WDR1: variants seen among roughly 807,000 people sequenced by gnomAD.
The protein encoded by WDR1 is WD repeat-containing protein 1.
Under a neutral mutation model 71.9 loss-of-function variants are expected in WDR1, and 21 were observed. The ratio of observed to expected loss-of-function variants is 0.29; its 90% CI spans 0.21 to 0.42. The LOEUF is 0.42. Ranked by LOEUF, WDR1 falls within the 10% of genes least tolerant of loss-of-function variation. WDR1 has a pLI of 1.00. For missense variants in WDR1, 696 were observed against 824.5 expected, an observed-to-expected ratio of 0.84 and a Z score of 1.91; for synonymous variants, 424 against 347.4, an observed-to-expected ratio of 1.22 and a Z score of -2.45.
intron 2 of WDR1, among the ~76,000 whole-genome samples, chr4:10,111,516 C>A (rs566661214): frequency 6.6e-6 from 1 of 152,222 alleles, no homozygotes; most frequent in African/African-American, 2.4e-5. Context: ...TAATCCAACG[C>A]ACCACTTCCT....
chr4:10,081,350 T>TCC lies in WDR1; in HGVS notation c.1284+5_1284+6dup, dbSNP rs559833783. 6,808 of 1,613,226 alleles carry TCC rather than the reference T, an allele frequency of 4.2e-3. 24 individuals carry two copies. Among genetic ancestry groups the TCC allele is most frequent in the Non-Finnish European group, 5.1e-3 (6,027 of 1,179,544 alleles). On this transcript the variant is annotated splice_region_variant and intron_variant, in intron 11 of 14. Transcript: ENST00000499869. ...GCTCCCACCCAAACACTAAGCCAGG[T>TCC]CCCTACCTGTCCAATGCACACGACC...
Position 10,094,170 on chromosome 4 carries a change from A to G in WDR1, c.558+3541T>C, listed in dbSNP as rs79796742. ...GGCAGTGAGTTCTCAGTTCTGCATC[A>G]TAAGGCTGAGCCCCCAGGACGACAT... On this transcript the variant is annotated intron_variant, in intron 5 of 14. Coordinates refer to ENST00000499869, the MANE Select transcript of WDR1 (RefSeq NM_017491.5). Among the ~76,000 whole-genome samples the G allele has an allele frequency of 4.2e-3, 636 of 152,330 alleles. 7 individuals are homozygous for G. Among genetic ancestry groups the G allele is most frequent in the African/African-American group, 0.014 (597 of 41,564 alleles).
chr4:10,076,557 T>C (rs1215999931), intron 14 of WDR1: 1 of 152,328 alleles, frequency 6.6e-6, no homozygotes, highest in African/African-American at 2.4e-5. Flanking sequence ...AGGACGGACG[T>C]TGAAACCTGC....
At position 10,075,492 on chromosome 4, in the gene WDR1, G is replaced by T; in HGVS notation, c.1715-8C>A. ...GGTGCAGCCGGTGTGCATCTGGGAA[G>T]AAAGGGTGCAATTTAACGAAAAGCC... On this transcript the variant is annotated splice_region_variant and splice_polypyrimidine_tract_variant and intron_variant, in intron 14 of 14. Coordinates refer to ENST00000499869, the MANE Select transcript of WDR1 (RefSeq NM_017491.5). 1.2e-6 allele frequency: 2 copies of T among 1,613,468 alleles called. No individual in the cohort carries two copies. The highest frequency in any genetic ancestry group is 1.7e-6 in the Non-Finnish European group (2 of 1,179,588).
At chr4:10,100,827 C>T (rs755833238) in intron 3 of WDR1, among the ~76,000 whole-genome samples, 2 of 152,230 alleles carry the variant, frequency 1.3e-5, no homozygotes, top group African/African-American at 4.8e-5. Flanking sequence ...GAGGGGAGCA[C>T]TGTGTGTGCA....
chr4:10,085,613 C>T (rs114447566), intron 8 of WDR1, among the ~76,000 whole-genome samples: 2,573 of 152,348 alleles, frequency 0.017, 66 homozygotes, highest in African/African-American at 0.058. Flanking sequence ...TGTGTGCAGG[C>T]TCAATGCCTT....
intron 2 of WDR1, among the ~76,000 whole-genome samples, chr4:10,108,639 T>C (rs1340904514): frequency 2.0e-5 from 3 of 152,186 alleles, no homozygotes; most frequent in South Asian, 2.1e-4. Flanking sequence ...TGTGCAAATA[T>C]AACTGGCCAG....
chr4:10,079,886 C>T (rs1461469763), intron 11 of WDR1, among the ~76,000 whole-genome samples: 2 of 152,190 alleles, frequency 1.3e-5, no homozygotes, highest in African/African-American at 4.8e-5. Flanking sequence ...GAATGAGGGC[C>T]TAAGCATTTG....
chr4:10,093,602 A>G (rs1012722110), intron 5 of WDR1, among the ~76,000 whole-genome samples: 1 of 152,212 alleles, frequency 6.6e-6, no homozygotes, highest in African/African-American at 2.4e-5. Flanking sequence ...CAAGGACCAT[A>G]TGAAGGGACA....
intron 2 of WDR1, among the ~76,000 whole-genome samples, chr4:10,109,059 G>A (rs548597420): frequency 6.6e-5 from 10 of 152,342 alleles, no homozygotes; most frequent in East Asian, 1.9e-4. Context: ...AATCCCCACC[G>A]GCCACTTACT....
intron 11 of WDR1, among the ~76,000 whole-genome samples, chr4:10,079,723 G>A (rs1764942849): frequency 6.6e-6 from 1 of 152,222 alleles, no homozygotes; most frequent in African/African-American, 2.4e-5. Context: ...AGGGAAGGCA[G>A]CCTCTGCCCC....
In WDR1 at chr4:10,088,273, G is replaced by C. The variant is rs941740681; in HGVS notation, c.717+20C>G. On this transcript the variant is annotated intron_variant, in intron 7 of 14. Coordinates refer to ENST00000499869, the MANE Select transcript of WDR1 (RefSeq NM_017491.5). Reference sequence around the variant, plus strand: ...CGGCCAAATTCCCACCACTAGGCCGGGAAACACGCTCATACTCACTGCGTA... The same window carrying C: ...CGGCCAAATTCCCACCACTAGGCCGCGAAACACGCTCATACTCACTGCGTA... The C allele has an allele frequency of 1.3e-6, 2 of 1,550,312 alleles. No individual in the cohort carries two copies. Among genetic ancestry groups the C allele is most frequent in the African/African-American group, 1.4e-5 (1 of 73,000 alleles).
chr4:10,083,212 G>C, intron 9 of WDR1, 34 bp from the exon 10 acceptor site: 1 of 1,601,694 alleles, frequency 6.2e-7, no homozygotes, highest in Non-Finnish European at 8.5e-7. Context: ...CCGGCTCCCA[G>C]GACTGCTGGG....
intron 8 of WDR1, among the ~76,000 whole-genome samples, 151 bp from the exon 9 acceptor site, chr4:10,084,681 C>T (rs1415545207): frequency 5.9e-5 from 9 of 152,174 alleles, no homozygotes. Flanking sequence ...CCAGTAGCCC[C>T]AGCTGCCCGA....
chr4:10,085,423 G>A (rs1038624812), intron 8 of WDR1, among the ~76,000 whole-genome samples: 2 of 152,204 alleles, frequency 1.3e-5, no homozygotes, highest in South Asian at 2.1e-4. Context: ...CCACAGAGAC[G>A]TGGGGAAAAA....
intron 5 of WDR1, chr4:10,093,259 C>T (rs776301427): frequency 1.4e-5 from 10 of 730,382 alleles, no homozygotes; most frequent in Non-Finnish European, 1.8e-5. Context: ...CAAGCCCACC[C>T]TTAGGCTGTT....
chr4:10,116,468 C>T, intron 1 of WDR1, 183 bp downstream of exon 1: 1 of 739,722 alleles, frequency 1.4e-6, no homozygotes, highest in Non-Finnish European at 1.9e-6. Flanking sequence ...AACTTGGGGG[C>T]GCACCCCCCG....
chr4:10,077,983 C>G lies in WDR1; in HGVS notation c.1396-57G>C, dbSNP rs1404298537. ...CCCTGAACACACACACCACACCCAT[C>G]CTTTGTGAAGGGGGGGTCGAGGGCT... On this transcript the variant is annotated intron_variant, in intron 12 of 14. Transcript: ENST00000499869. The G allele has an allele frequency of 4.7e-6, 7 of 1,503,182 alleles. No individual in the cohort carries two copies. In the African/African-American group the frequency reaches 7.0e-5, roughly 15 times the overall value. 93.1% of individuals were successfully genotyped at this position (1,503,182 alleles called of 1,614,324 possible).
At chr4:10,090,610 C>T (rs977706967) in intron 5 of WDR1, among the ~76,000 whole-genome samples, 9 of 152,264 alleles carry the variant, frequency 5.9e-5, no homozygotes, top group Non-Finnish European at 1.0e-4. Context: ...AACTTGCTTG[C>T]CTCAGGTAAG....
Sources: allele counts gnomAD v4.1 joint callset (sites outside exome capture counted in the v4.1 genomes callset), GRCh38; gene constraint gnomAD v4.1.1; transcripts MANE v1.5; gene names NCBI Gene and HGNC (gene_info 2026-07-23, HGNC 2026-07-21).